Variants in SACS observed in about 807,000 individuals in gnomAD.
SACS encodes the protein sacsin molecular chaperone, also known as sacsin.
Under a neutral mutation model 348.0 loss-of-function variants are expected in SACS, and 197 were observed. The ratio of observed to expected loss-of-function variants is 0.57; its 90% confidence interval spans 0.50 to 0.64. The LOEUF (loss-of-function observed/expected upper bound fraction) is 0.64. Ranked by LOEUF, SACS falls within the 30% of genes least tolerant of loss-of-function variation. The pLI, the probability that SACS is intolerant of heterozygous loss-of-function variation, is 0.00. For synonymous variants in SACS, 1,985 were observed against 1,910.6 expected (o/e 1.04, Z -1.02); for missense variants, 4,999 against 5,360.8 (o/e 0.93, Z 2.11).
intron 1 of SACS, among the ~76,000 whole-genome samples, chr13:23,417,422 C>T (rs1304773933): frequency 6.6e-6 from 1 of 152,152 alleles, no homozygotes; most frequent in East Asian, 1.9e-4. Context: ...AATTATGTGG[C>T]ATTCGCATGG....
At chr13:23,351,146 G>A (rs981915226) in intron 9 of SACS, among the ~76,000 whole-genome samples, 1 of 152,148 alleles carries the variant, frequency 6.6e-6, no homozygotes, top group Admixed American at 6.5e-5. Flanking sequence ...GGAAAGCAAG[G>A]TGTCACTTAC....
intron 9 of SACS, among the ~76,000 whole-genome samples, chr13:23,351,560 T>G (rs1213608331): frequency 6.6e-6 from 1 of 152,224 alleles, no homozygotes; most frequent in African/African-American, 2.4e-5. Flanking sequence ...GGCTTTAGCC[T>G]TCTGCCATGA....
chr13:23,350,037 G>A (rs2137687780), intron 9 of SACS, among the ~76,000 whole-genome samples: 1 of 152,300 alleles, frequency 6.6e-6, no homozygotes, highest in South Asian at 2.1e-4. Context: ...GTGAAGTGAG[G>A]AACAGAGGTT....
chr13:23,409,203 C>G (rs1873378213), intron 2 of SACS, among the ~76,000 whole-genome samples: 1 of 148,740 alleles, frequency 6.7e-6, no homozygotes. Context: ...ACTACAGGTG[C>G]CCACCACCAC....
At position 23,338,932 on chromosome 13, in the gene SACS, A is replaced by G. The variant is rs1274561101; in HGVS notation, c.4944T>C (p.Phe1648=). 6.2e-7 allele frequency: 1 copy of G among 1,613,612 alleles called. No individual in the cohort carries two copies. Among genetic ancestry groups the G allele is most frequent in the Non-Finnish European group, 8.5e-7 (1 of 1,179,896 alleles). The stretch of plus-strand genomic sequence containing the variant: ...TCACTTTTGCTTCCTGTTGAGTTCT[A>G]AAGGACAGTCGGAAAAGGGTTCCAT... ...SYNGTLFRLS[F]RTQQEAKVSE... is the part of the protein sequence containing the mutation. Residue 1648 remains phenylalanine, a synonymous_variant, in exon 10 of 10, where the codon TTT becomes TTC. Transcript: ENST00000382292.
At chr13:23,368,979 G>A (rs758533688) in intron 4 of SACS, among the ~76,000 whole-genome samples, 4 of 152,286 alleles carry the variant, frequency 2.6e-5, no homozygotes, top group African/African-American at 2.4e-5. Flanking sequence ...GATTCCAGGC[G>A]TGAGCCACCA....
At chr13:23,346,494 G>A (rs1456121398) in intron 9 of SACS, among the ~76,000 whole-genome samples, 1 of 152,124 alleles carries the variant, frequency 6.6e-6, no homozygotes, top group Non-Finnish European at 1.5e-5. Context: ...TAATAGAGGT[G>A]CATTCACTAT....
At chr13:23,359,411 T>C (rs573007095) in intron 6 of SACS, among the ~76,000 whole-genome samples, 1 of 152,100 alleles carries the variant, frequency 6.6e-6, no homozygotes, top group South Asian at 2.1e-4. Context: ...TTGTAAGTGT[T>C]TGAAGTTTTT....
chr13:23,414,258 C>G, intron 1 of SACS, among the ~76,000 whole-genome samples: 1 of 152,250 alleles, frequency 6.6e-6, no homozygotes. Flanking sequence ...GAGCAGAGAT[C>G]GCACCACTGC....
At position 23,333,422 on chromosome 13, in the gene SACS, A is replaced by G. The variant is rs200950824; in HGVS notation, c.10454T>C (p.Ile3485Thr). ...TTTTGCATCATAAGAGAGATTTTCA[A>G]TTTTTGGTAAGAGGTGTTTCAAATA... Reference protein sequence around the residue: ...EVYLKHLLPKIENLSYDAKLE... With the variant: ...EVYLKHLLPKTENLSYDAKLE... The change falls in exon 10 of 10, where the codon ATT (isoleucine) becomes ACT (threonine). Residue 3485 changes from isoleucine (I) to threonine (T), a missense_variant. By Grantham distance (89) the Ile-to-Thr change is moderately conservative. This residue lies in a region of SACS where 734 missense variants were observed against 694.0 expected (regional missense o/e 1.06). Coordinates refer to ENST00000382292, the MANE Select transcript of SACS (RefSeq NM_014363.6). The G allele has an allele frequency of 8.1e-6, 13 of 1,610,230 alleles. No homozygotes were observed. The Admixed American group carries it at 2.0e-4, about 25-fold the overall frequency.
Position 23,340,617 on chromosome 13 carries a change from A to G in SACS, c.3259T>C (p.Leu1087=). The change falls in exon 10 of 10, where the codon TTA becomes CTA. Residue 1087 remains leucine, a synonymous_variant. Coordinates refer to ENST00000382292, the MANE Select transcript of SACS (RefSeq NM_014363.6). ...TCGTTTTTTAAACCAATCTGTCTTA[A>G]GGAGTGAAGAATATCTGGTGAGGTA... ...VFTSPDILHS[L]RQIGLKNEAS... 1 of 1,611,334 alleles carries G rather than the reference A, an allele frequency of 6.2e-7. No individual in the cohort carries two copies. The highest frequency in any genetic ancestry group is 8.5e-7 in the Non-Finnish European group (1 of 1,179,406).
In SACS at chr13:23,330,078, A is replaced by T; in HGVS notation, c.*58T>A. The T allele has an allele frequency of 6.9e-7, 1 of 1,459,086 alleles. No individual in the cohort carries two copies. The allele number at this position is 1,459,086 out of a possible 1,614,324, so 90.4% of individuals were successfully genotyped here. Reference sequence around the variant, plus strand: ...TTGGCAATGAAGCTTAATGAAGTACAGCAATTTATTCGTGCTACAACACAT... The same window carrying T: ...TTGGCAATGAAGCTTAATGAAGTACTGCAATTTATTCGTGCTACAACACAT... On this transcript the variant is annotated 3_prime_UTR_variant, in exon 10 of 10. Coordinates refer to ENST00000382292, the MANE Select transcript of SACS (RefSeq NM_014363.6).
Position 23,336,889 on chromosome 13 carries a change from T to C in SACS, c.6987A>G (p.Gln2329=), listed in dbSNP as rs752505838. The change falls in exon 10 of 10, where the codon CAA becomes CAG. Residue 2329 remains glutamine, a synonymous_variant. Coordinates refer to ENST00000382292, the MANE Select transcript of SACS (RefSeq NM_014363.6). The part of the protein sequence containing the change: ...CYKYLHEALM[Q]NEITKMSIID... ...TAATTGACATCTTAGTGATTTCATT[T>C]TGCATCAAGGCTTCATGAAGGTATT... is the stretch of plus-strand genomic sequence containing the variant. 2 of 1,613,542 alleles carry C rather than the reference T, an allele frequency of 1.2e-6. No homozygotes were observed. The highest frequency in any genetic ancestry group is 1.7e-6 in the Non-Finnish European group (2 of 1,179,552).
At chr13:23,418,838 T>G (rs1873791095) in intron 1 of SACS, 1 of 152,190 alleles carries the variant, frequency 6.6e-6, no homozygotes, top group Non-Finnish European at 1.5e-5. Flanking sequence ...ATTGCATTTG[T>G]GACTATCAAG....
intron 9 of SACS, among the ~76,000 whole-genome samples, chr13:23,345,142 A>G (rs566639141): frequency 2.6e-5 from 4 of 152,326 alleles, no homozygotes; most frequent in Non-Finnish European, 5.9e-5. Flanking sequence ...TTTCTCTTGT[A>G]CAGAAAGAGG....
chr13:23,364,032 C>T (rs1870910704), intron 6 of SACS, among the ~76,000 whole-genome samples: 1 of 152,176 alleles, frequency 6.6e-6, no homozygotes, highest in African/African-American at 2.4e-5. Context: ...AAGGTAGCAG[C>T]AGTCAGGACT....
Position 23,375,310 on chromosome 13 carries a change from C to A in SACS, c.21-41G>T, listed in dbSNP as rs569423976. 1.7e-3 allele frequency: 2,369 copies of A among 1,381,230 alleles called. 13 individuals are homozygous for A. Among genetic ancestry groups the A allele is most frequent in the African/African-American group, 0.012 (829 of 66,842 alleles). The allele number at this position is 1,381,230 out of a possible 1,614,324, so 85.6% of individuals were successfully genotyped here. On this transcript the variant is annotated intron_variant, in intron 2 of 9. Coordinates refer to ENST00000382292, the MANE Select transcript of SACS (RefSeq NM_014363.6). ...GGACGCTCAGTCGGGCTGCGGCTGCCACCCGCCCGCCCAGCGCCCGCGCGG... is the reference window on the plus strand; with the variant it reads ...GGACGCTCAGTCGGGCTGCGGCTGCAACCCGCCCGCCCAGCGCCCGCGCGG...
chr13:23,422,944 A>G (rs569322435), intron 1 of SACS, among the ~76,000 whole-genome samples: 1 of 152,134 alleles, frequency 6.6e-6, no homozygotes, highest in Non-Finnish European at 1.5e-5. Context: ...TGCGAAGAAC[A>G]TTTGTGATGT....
At chr13:23,345,314 A>G (rs773868644) in intron 9 of SACS, among the ~76,000 whole-genome samples, 2 of 152,316 alleles carry the variant, frequency 1.3e-5, no homozygotes, top group South Asian at 4.1e-4. Context: ...GAAATGAAAC[A>G]ACCAAACTAA....
Sources: allele counts gnomAD v4.1 joint callset (sites outside exome capture counted in the v4.1 genomes callset), GRCh38; gene constraint gnomAD v4.1.1; regional missense constraint gnomAD v4.1.1; transcripts MANE v1.5; gene names NCBI Gene and HGNC (gene_info 2026-07-23, HGNC 2026-07-21).